Variants in GRID2 observed in about 807,000 individuals in gnomAD.
GRID2 encodes glutamate receptor ionotropic, delta-2.
A neutral mutation model predicts 114.8 loss-of-function variants in GRID2; 33 were observed. The ratio of observed to expected loss-of-function variants is 0.29; its 90% CI spans 0.22 to 0.38. The LOEUF (loss-of-function observed/expected upper bound fraction) is 0.38. Ranked by LOEUF, GRID2 falls within the 10% of genes least tolerant of loss-of-function variation. GRID2 has a pLI of 1.00. For missense variants in GRID2, 1,184 were observed against 1,257.7 expected (o/e 0.94, Z 0.89); for synonymous variants, 505 against 449.9 (o/e 1.12, Z -1.55).
chr4:93,124,332 G>C (rs1734080835), intron 4 of GRID2, among the ~76,000 whole-genome samples: 5 of 152,232 alleles, frequency 3.3e-5, no homozygotes, highest in Admixed American at 2.6e-4. Context: ...AAGAAGCCAG[G>C]AGAATAGTGA....
At chr4:93,545,316 G>T (rs184416778) in intron 13 of GRID2, among the ~76,000 whole-genome samples, 1 of 152,180 alleles carries the variant, frequency 6.6e-6, no homozygotes, top group Non-Finnish European at 1.5e-5. Flanking sequence ...GTCTTTCTAA[G>T]TACTGTATAT....
At chr4:93,023,037 C>A (rs1006278213) in intron 2 of GRID2, among the ~76,000 whole-genome samples, 1 of 150,626 alleles carries the variant, frequency 6.6e-6, no homozygotes, top group Non-Finnish European at 1.5e-5. Context: ...TGAACCAGTG[C>A]CATTGATTTT....
At chr4:92,946,158 C>A (rs1234367704) in intron 2 of GRID2, among the ~76,000 whole-genome samples, 1 of 152,036 alleles carries the variant, frequency 6.6e-6, no homozygotes, top group African/African-American at 2.4e-5. Context: ...TTCATTGACA[C>A]AAAAAATGGC....
chr4:93,494,510 A>T (rs1727334059), intron 12 of GRID2, among the ~76,000 whole-genome samples: 1 of 151,888 alleles, frequency 6.6e-6, no homozygotes, highest in Non-Finnish European at 1.5e-5. Flanking sequence ...TTAAAATTAG[A>T]TATCTATGGG....
At position 93,522,395 on chromosome 4, in the gene GRID2, A is replaced by G. The variant is rs551028410; in HGVS notation, c.2193+6984A>G. 2.9e-4 allele frequency among the ~76,000 whole-genome samples: 44 copies of G among 152,276 alleles called. No homozygotes were observed. In the South Asian group the frequency reaches 8.5e-3, roughly 29 times the overall value. On this transcript the variant is annotated intron_variant, in intron 13 of 15. Transcript: ENST00000282020. ...CTGAAGGGGTTTGTAATCGGTGGTC[A>G]TGACTATAAATTGGGACCAGTCAGC... is the stretch of plus-strand genomic sequence containing the variant.
At chr4:92,346,535 T>C (rs1198300874) in intron 1 of GRID2, among the ~76,000 whole-genome samples, 2 of 152,060 alleles carry the variant, frequency 1.3e-5, no homozygotes, top group Non-Finnish European at 2.9e-5. Flanking sequence ...CTGGCCAATT[T>C]TTGTGTTTTT....
chr4:92,889,673 T>G (rs1439653930), intron 2 of GRID2, among the ~76,000 whole-genome samples: 1 of 152,214 alleles, frequency 6.6e-6, no homozygotes, highest in Non-Finnish European at 1.5e-5. Flanking sequence ...ATTAATATCC[T>G]GAAAATGGCC....
chr4:93,309,949 A>G (rs907122388), intron 8 of GRID2, among the ~76,000 whole-genome samples: 4 of 152,086 alleles, frequency 2.6e-5, no homozygotes, highest in Non-Finnish European at 1.5e-5. Context: ...GTTTATACAT[A>G]TTGTGCAGGG....
chr4:92,441,720 G>A (rs966224393), intron 1 of GRID2, among the ~76,000 whole-genome samples: 1 of 152,066 alleles, frequency 6.6e-6, no homozygotes, highest in African/African-American at 2.4e-5. Flanking sequence ...TTGGCATTGA[G>A]TGGGGTAAGG....
chr4:93,536,434 A>G (rs907680632), intron 13 of GRID2, among the ~76,000 whole-genome samples: 1 of 151,866 alleles, frequency 6.6e-6, no homozygotes, highest in African/African-American at 2.4e-5. Flanking sequence ...TGACACGGAA[A>G]TCAAGAATAC....
intron 2 of GRID2, among the ~76,000 whole-genome samples, chr4:92,946,163 A>C (rs1277010267): frequency 6.6e-6 from 1 of 152,116 alleles, no homozygotes; most frequent in East Asian, 1.9e-4. Context: ...TGACACAAAA[A>C]ATGGCATTTG....
At chr4:92,774,451 A>G (rs1270512303) in intron 2 of GRID2, among the ~76,000 whole-genome samples, 1 of 152,124 alleles carries the variant, frequency 6.6e-6, no homozygotes, top group Non-Finnish European at 1.5e-5. Flanking sequence ...TATCATTGAT[A>G]CAGAATGCTA....
At chr4:92,715,889 T>C (rs183026998) in intron 2 of GRID2, among the ~76,000 whole-genome samples, 60 of 152,300 alleles carry the variant, frequency 3.9e-4, no homozygotes, top group African/African-American at 1.4e-3. Context: ...AATCAAACAA[T>C]TGACTTTTAC....
At chr4:93,571,798 G>C (rs1021585399) in intron 13 of GRID2, among the ~76,000 whole-genome samples, 2 of 152,080 alleles carry the variant, frequency 1.3e-5, no homozygotes, top group African/African-American at 4.8e-5. Context: ...GAATGACTCA[G>C]TGTGTTACAG....
intron 5 of GRID2, among the ~76,000 whole-genome samples, chr4:93,212,702 A>G (rs1743683962): frequency 6.6e-6 from 1 of 152,060 alleles, no homozygotes; most frequent in Admixed American, 6.6e-5. Context: ...TGAATAGTGT[A>G]AGACATTATT....
chr4:93,104,830 G>A (rs957058250), intron 3 of GRID2, among the ~76,000 whole-genome samples: 1 of 152,042 alleles, frequency 6.6e-6, no homozygotes, highest in South Asian at 2.1e-4. Context: ...CCCAGTAATG[G>A]GATGGCTGGG....
At chr4:93,034,994 T>C (rs1427511446) in intron 2 of GRID2, among the ~76,000 whole-genome samples, 3 of 152,208 alleles carry the variant, frequency 2.0e-5, no homozygotes, top group African/African-American at 4.8e-5. Flanking sequence ...ACGACTACAT[T>C]AAAAAATAGA....
chr4:92,821,629 A>G (rs573889704), intron 2 of GRID2, among the ~76,000 whole-genome samples: 98 of 152,288 alleles, frequency 6.4e-4, no homozygotes, highest in African/African-American at 2.2e-3. Context: ...AGAAAACCAG[A>G]TCATTCTACT....
chr4:92,320,956 G>A (rs995854317), intron 1 of GRID2, among the ~76,000 whole-genome samples: 2 of 151,870 alleles, frequency 1.3e-5, no homozygotes, highest in African/African-American at 4.8e-5. Flanking sequence ...GGAATCTTAG[G>A]TTGTCAAATA....
Sources: allele counts gnomAD v4.1 joint callset (sites outside exome capture counted in the v4.1 genomes callset), GRCh38; gene constraint gnomAD v4.1.1; transcripts MANE v1.5; gene names NCBI Gene and HGNC (gene_info 2026-07-23, HGNC 2026-07-21).